Variants in MIB1 observed in about 807,000 individuals in gnomAD.
The protein encoded by MIB1 is E3 ubiquitin-protein ligase MIB1.
MIB1 carries 278 observed loss-of-function variants against 124.5 expected under a neutral mutation model. The ratio of observed to expected loss-of-function variants is 2.23; its 90% confidence interval spans 2.02 to 2.47. MIB1 has a LOEUF of 2.47. MIB1 is among the 30% of genes most tolerant of loss of function. MIB1 has a pLI of 0.00. For synonymous variants in MIB1, 446 were observed against 429.4 expected, an observed-to-expected ratio of 1.04 and a Z score of -0.48; for missense variants, 957 against 1,254.4, an observed-to-expected ratio of 0.76 and a Z score of 3.58.
intron 12 of MIB1, among the ~76,000 whole-genome samples, chr18:21,833,831 CT>C (rs1219484692): frequency 6.6e-6 from 1 of 152,184 alleles, no homozygotes; most frequent in Non-Finnish European, 1.5e-5. Flanking sequence ...GAACTTAATG[CT>C]TCTTTGGCAC....
intron 2 of MIB1, among the ~76,000 whole-genome samples, chr18:21,768,418 T>C (rs1464419497): frequency 6.6e-6 from 1 of 152,216 alleles, no homozygotes; most frequent in Admixed American, 6.5e-5. Flanking sequence ...AAGTTAGCTG[T>C]GATTATTATT....
In MIB1 at chr18:21,748,557, G is replaced by C. The variant is rs530227275; in HGVS notation, c.229+6745G>C. Reference sequence around the variant, plus strand: ...CCATCTTCCCACCTCAGCCTTTTGAGTAGCTGGGACTACAGGTGCGCACCA... The same window carrying C: ...CCATCTTCCCACCTCAGCCTTTTGACTAGCTGGGACTACAGGTGCGCACCA... On this transcript the variant is annotated intron_variant, in intron 1 of 20. Coordinates refer to ENST00000261537, the MANE Select transcript of MIB1 (RefSeq NM_020774.4). 9.9e-5 allele frequency among the ~76,000 whole-genome samples: 15 copies of C among 151,580 alleles called. No homozygotes were observed. The South Asian group carries it at 1.7e-3, about 17-fold the overall frequency.
chr18:21,813,949 C>T (rs906372703), intron 10 of MIB1, among the ~76,000 whole-genome samples: 2 of 152,130 alleles, frequency 1.3e-5, no homozygotes, highest in Non-Finnish European at 2.9e-5. Flanking sequence ...AAATGCAATA[C>T]GCTTATACCT....
intron 1 of MIB1, among the ~76,000 whole-genome samples, chr18:21,751,662 G>A (rs1381144910): frequency 6.6e-6 from 1 of 151,508 alleles, no homozygotes; most frequent in African/African-American, 2.4e-5. Context: ...TCATTTTATT[G>A]GGGGAAAAAT....
intron 20 of MIB1, among the ~76,000 whole-genome samples, chr18:21,860,423 CA>C (rs1210793409): frequency 6.6e-6 from 1 of 151,930 alleles, no homozygotes; most frequent in Non-Finnish European, 1.5e-5. Context: ...TTATATATAT[CA>C]ACAAATATGC....
intron 6 of MIB1, among the ~76,000 whole-genome samples, chr18:21,782,350 T>G (rs55716755): frequency 0.13 from 19,877 of 152,152 alleles, 1,702 homozygotes; most frequent in South Asian, 0.28. Flanking sequence ...CTTGAACTCC[T>G]GACCTCCCGT....
intron 7 of MIB1, among the ~76,000 whole-genome samples, chr18:21,795,308 ATATAT>A (rs1225245075): frequency 7.5e-6 from 1 of 133,824 alleles, no homozygotes; most frequent in Non-Finnish European, 1.5e-5. Flanking sequence ...ATATATAAAT[ATATAT>A]TATATATAAT....
chr18:21,842,646 T>G (rs929831695), intron 13 of MIB1, among the ~76,000 whole-genome samples: 1 of 152,214 alleles, frequency 6.6e-6, no homozygotes, highest in African/African-American at 2.4e-5. Context: ...AAGCATTACC[T>G]TCTCACCTAA....
chr18:21,741,854 G>T lies in MIB1; in HGVS notation c.229+42G>T, dbSNP rs368812922. On this transcript the variant is annotated intron_variant, in intron 1 of 20. Coordinates refer to ENST00000261537, the MANE Select transcript of MIB1 (RefSeq NM_020774.4). The surrounding 1 kb of genome is among the most constrained non-coding windows in gnomAD (Gnocchi z 5.4). ...TGGCCAGGGCTTGCGCGCGCGGGGG[G>T]AAGGGGCGAGCTGCGGTGGGCGTCG... 648 of 1,500,840 alleles carry T rather than the reference G, an allele frequency of 4.3e-4. No homozygotes were observed. Among genetic ancestry groups the T allele is most frequent in the Non-Finnish European group, 5.5e-4 (611 of 1,116,328 alleles). The allele number at this position is 1,500,840 out of a possible 1,614,324, so 93.0% of individuals were successfully genotyped here.
In MIB1 at chr18:21,803,939, G is replaced by T; in HGVS notation, c.1404G>T (p.Met468Ile). Reference protein sequence around the residue: ...VNGQCAGHTAMQAASQNGHVD... With the variant: ...VNGQCAGHTAIQAASQNGHVD... ...GGCAATGTGCTGGCCACACAGCTAT[G>T]CAAGCTGCTAGTCAGAATGGACATG... Residue 468 changes from methionine (M) to isoleucine (I), a missense_variant, in exon 10 of 21, where the codon ATG (methionine) becomes ATT (isoleucine). By Grantham distance (10) the Met-to-Ile change is conservative. Transcript: ENST00000261537. 1 of 1,613,662 alleles carries T rather than the reference G, an allele frequency of 6.2e-7. No individual in the cohort carries two copies.
At position 21,847,026 on chromosome 18, in the gene MIB1, AC is replaced by A; in HGVS notation, c.2296del (p.Leu766Ter). ...IACFLAANGA[D>X]LSIRNKKGQS... is the part of the protein sequence containing the mutation. ...TGTTTCTTGGCAGCCAATGGTGCTG[AC>A]CTGAGCATTCGAAATAAGAAGGGTC... On this transcript the variant is annotated frameshift_variant, in exon 16 of 21. Coordinates refer to ENST00000261537, the MANE Select transcript of MIB1 (RefSeq NM_020774.4). LOFTEE classifies it high-confidence loss of function. 6.2e-7 allele frequency: 1 copy of A among 1,614,184 alleles called. No homozygotes were observed. The highest frequency in any genetic ancestry group is 8.5e-7 in the Non-Finnish European group (1 of 1,180,034).
At chr18:21,858,462 A>T (rs1004869088) in intron 19 of MIB1, 84 bp from the exon 20 acceptor site, 27 of 709,600 alleles carry the variant, frequency 3.8e-5, no homozygotes, top group Non-Finnish European at 6.0e-5. Context: ...TGTTTTTAAT[A>T]AACAAAACAG....
At chr18:21,851,206 C>CT (rs1598642334) in intron 17 of MIB1, among the ~76,000 whole-genome samples, 1 of 152,112 alleles carries the variant, frequency 6.6e-6, no homozygotes, top group South Asian at 2.1e-4. Flanking sequence ...ATGCAGGTCT[C>CT]TTGATTCTTA....
chr18:21,860,098 C>CTTTTTTTTTTTTTTTTTTTTTT lies in MIB1; in HGVS notation c.2880+1458_2880+1479dup, dbSNP rs398032096. On this transcript the variant is annotated intron_variant, in intron 20 of 20. Transcript: ENST00000261537. ...GTGTTGGTTATGTTGTTCTTTATGT[C>CTTTTTTTTTTTTTTTTTTTTTT]TTTTTTTTTTTTTTTTTTTTTTTTT... Among the ~76,000 whole-genome samples the CTTTTTTTTTTTTTTTTTTTTTT allele has an allele frequency of 1.9e-4, 5 of 26,462 alleles. 2 individuals carry two copies. The highest frequency in any genetic ancestry group is 6.1e-4 in the African/African-American group (5 of 8,208). The allele number at this position is 26,462 out of a possible 152,430, so 17.4% of individuals were successfully genotyped here. A position where few individuals can be genotyped will look rare whatever the true frequency, so the allele number is the denominator to read the frequency against.
At chr18:21,789,060 C>G (rs2041471310) in intron 6 of MIB1, among the ~76,000 whole-genome samples, 1 of 152,154 alleles carries the variant, frequency 6.6e-6, no homozygotes, top group African/African-American at 2.4e-5. Context: ...TAACAAATTA[C>G]CATAGACTGG....
Position 21,866,715 on chromosome 18 carries a change from T to C in MIB1, c.*2049T>C, listed in dbSNP as rs1039898259. 35 of 152,228 alleles carry C rather than the reference T, an allele frequency of 2.3e-4. No individual in the cohort carries two copies. The highest frequency in any genetic ancestry group is 8.2e-4 in the African/African-American group (34 of 41,458). 9.4% of individuals were successfully genotyped at this position (152,228 alleles called of 1,614,324 possible). A position where few individuals can be genotyped will look rare whatever the true frequency, so the allele number is the denominator to read the frequency against. ...AGATCCCTAAAAGGTAATAGCATCT[T>C]CCAGACTAGTTTAATTATTTCCTTT... On this transcript the variant is annotated 3_prime_UTR_variant, in exon 21 of 21. Transcript: ENST00000261537.
At chr18:21,724,348 A>G (rs1289638196) in intron 1 of MIB1, 2 of 152,206 alleles carry the variant, frequency 1.3e-5, no homozygotes, top group Non-Finnish European at 2.9e-5. Flanking sequence ...GAGAATGCCA[A>G]AACTGAAAAT....
chr18:21,773,569 C>T, intron 3 of MIB1, 55 bp from the exon 4 acceptor site: 1 of 1,102,184 alleles, frequency 9.1e-7, no homozygotes, highest in Admixed American at 2.1e-5. Flanking sequence ...ATTAAAAGAA[C>T]TAAGCTCTTC....
chr18:21,835,801 C>CACACACACACA (rs1555695315), intron 12 of MIB1, among the ~76,000 whole-genome samples: 6 of 101,582 alleles, frequency 5.9e-5, no homozygotes, highest in East Asian at 2.9e-4. Flanking sequence ...ATATATATAT[C>CACACACACACA]CACACACACA....
Sources: allele counts gnomAD v4.1 joint callset (sites outside exome capture counted in the v4.1 genomes callset), GRCh38; gene constraint gnomAD v4.1.1; non-coding constraint Gnocchi (gnomAD v3.1); transcripts MANE v1.5; gene names NCBI Gene and HGNC (gene_info 2026-07-23, HGNC 2026-07-21).